The following GBP7 variants were observed in gnomAD, a reference collection of about 807,000 sequenced individuals.
GBP7 encodes guanylate binding protein 7.
In GBP7, 43 loss-of-function variants were observed where a neutral mutation model predicts 61.3. The observed-to-expected ratio is 0.70, with a 90% confidence interval of 0.55 to 0.91. The LOEUF (loss-of-function observed/expected upper bound fraction) is 0.91. GBP7 is among the 40% of genes least tolerant of loss of function. The pLI is 0.00. For missense variants in GBP7, 717 were observed against 740.5 expected (o/e 0.97, Z 0.37); for synonymous variants, 267 against 271.0 (o/e 0.99, Z 0.14).
chr1:89,139,343 T>C (rs1681881540), intron 9 of GBP7, among the ~76,000 whole-genome samples: 6 of 152,168 alleles, frequency 3.9e-5, no homozygotes. Context: ...ATAAAAACCC[T>C]AGAAGAAAAC....
At chr1:89,156,604 C>T (rs980828127) in intron 3 of GBP7, among the ~76,000 whole-genome samples, 1 of 152,112 alleles carries the variant, frequency 6.6e-6, no homozygotes, top group Non-Finnish European at 1.5e-5. Flanking sequence ...CTGAAAGAGA[C>T]AAAGAAGGCC....
intron 3 of GBP7, among the ~76,000 whole-genome samples, chr1:89,159,451 C>CGT (rs1682385895): frequency 6.6e-6 from 1 of 152,114 alleles, no homozygotes; most frequent in Admixed American, 6.5e-5. Context: ...AAAATGTTTA[C>CGT]AATTTACCCA....
chr1:89,173,833 C>T (rs539105697), intron 1 of GBP7, among the ~76,000 whole-genome samples: 32 of 152,276 alleles, frequency 2.1e-4, no homozygotes, highest in African/African-American at 7.5e-4. Context: ...AAGTTACAGT[C>T]AGAGAAGTGT....
At chr1:89,141,926 C>G (rs1394371945) in intron 8 of GBP7, among the ~76,000 whole-genome samples, 1 of 152,166 alleles carries the variant, frequency 6.6e-6, no homozygotes, top group Non-Finnish European at 1.5e-5. Flanking sequence ...AACCAGATTT[C>G]TATGCAGTTC....
At chr1:89,138,698 T>C (rs1428636334) in intron 9 of GBP7, among the ~76,000 whole-genome samples, 4 of 152,166 alleles carry the variant, frequency 2.6e-5, no homozygotes, top group Non-Finnish European at 5.9e-5. Context: ...GTTAAAGATG[T>C]AAATGTAAAA....
rs1021540202 is a variant in GBP7 at position 89,156,921 on chromosome 1, G to C, written c.319-4144C>G. Reference sequence around the variant, plus strand: ...TATACATTCTTCTCAGCACCACATCGCACTTATTCCAAAATGGACCACATA... The same window carrying C: ...TATACATTCTTCTCAGCACCACATCCCACTTATTCCAAAATGGACCACATA... On this transcript the variant is annotated intron_variant, in intron 3 of 10. Coordinates refer to ENST00000294671, the MANE Select transcript of GBP7 (RefSeq NM_207398.3). 2.0e-5 allele frequency among the ~76,000 whole-genome samples: 3 copies of C among 152,128 alleles called. No individual in the cohort carries two copies. In the East Asian group the frequency reaches 5.8e-4, roughly 29 times the overall value.
At chr1:89,140,810 A>G (rs867690742) in intron 9 of GBP7, among the ~76,000 whole-genome samples, 1 of 152,236 alleles carries the variant, frequency 6.6e-6, no homozygotes, top group Non-Finnish European at 1.5e-5. Flanking sequence ...AATGTTCATC[A>G]GTGGTGGACT....
intron 3 of GBP7, 110 bp downstream of exon 3, chr1:89,164,620 TA>T: frequency 9.3e-7 from 1 of 1,078,844 alleles, no homozygotes; most frequent in Non-Finnish European, 1.4e-6. Context: ...TTGTTTCCCA[TA>T]ATCAGATTTG....
At chr1:89,159,165 A>G (rs1682379088) in intron 3 of GBP7, among the ~76,000 whole-genome samples, 1 of 152,224 alleles carries the variant, frequency 6.6e-6, no homozygotes, top group Non-Finnish European at 1.5e-5. Flanking sequence ...CCCTATGTAG[A>G]AAGCTGAAAC....
In GBP7 at chr1:89,149,279, T is replaced by C. The variant is rs752484582; in HGVS notation, c.1152+13A>G. On this transcript the variant is annotated intron_variant, in intron 7 of 10. Transcript: ENST00000294671. Reference sequence around the variant, plus strand: ...AGGCAGGAATCAAGAAAAAAAAAAATAACAAAGATTACCACAAGCTTCTTC... The same window carrying C: ...AGGCAGGAATCAAGAAAAAAAAAAACAACAAAGATTACCACAAGCTTCTTC... 13 of 1,562,098 alleles carry C rather than the reference T, an allele frequency of 8.3e-6. No homozygotes were observed. In the South Asian group the frequency reaches 1.3e-4, roughly 16 times the overall value.
At chr1:89,167,312 T>C (rs1228478854) in intron 2 of GBP7, among the ~76,000 whole-genome samples, 1 of 152,208 alleles carries the variant, frequency 6.6e-6, no homozygotes, top group African/African-American at 2.4e-5. Flanking sequence ...CTTATTTGGA[T>C]AAGGTCACCT....
intron 3 of GBP7, among the ~76,000 whole-genome samples, chr1:89,154,252 A>G (rs904322565): frequency 1.3e-5 from 2 of 152,220 alleles, no homozygotes; most frequent in Non-Finnish European, 2.9e-5. Context: ...CACTGAAATG[A>G]TGATTGATAA....
At chr1:89,141,830 A>G (rs934325632) in intron 8 of GBP7, among the ~76,000 whole-genome samples, 182 bp from the exon 9 acceptor site, 18 of 152,214 alleles carry the variant, frequency 1.2e-4, no homozygotes, top group African/African-American at 4.3e-4. Context: ...TTGTTGAGAC[A>G]TGAAAACCCT....
chr1:89,168,178 A>G (rs1000015130), intron 2 of GBP7, among the ~76,000 whole-genome samples: 4 of 152,078 alleles, frequency 2.6e-5, no homozygotes, highest in Non-Finnish European at 4.4e-5. Context: ...TAACTTCTCT[A>G]TTTTTGCTCT....
intron 2 of GBP7, among the ~76,000 whole-genome samples, chr1:89,170,527 A>T (rs1647569800): frequency 1.3e-5 from 2 of 152,172 alleles, no homozygotes; most frequent in South Asian, 4.1e-4. Context: ...GTCACCAATC[A>T]CTTTCCCCTG....
At chr1:89,165,904 C>T (rs997004037) in intron 2 of GBP7, among the ~76,000 whole-genome samples, 1 of 151,942 alleles carries the variant, frequency 6.6e-6, no homozygotes, top group African/African-American at 2.4e-5. Context: ...TATCCCTGAA[C>T]TTAAAGTACA....
intron 3 of GBP7, among the ~76,000 whole-genome samples, chr1:89,163,396 CTT>C (rs79742670): frequency 4.4e-5 from 6 of 137,134 alleles, no homozygotes; most frequent in Non-Finnish European, 6.4e-5. Flanking sequence ...TGTTTCTGGG[CTT>C]TTTTTTTTTT....
At chr1:89,170,481 C>A (rs989147464) in intron 2 of GBP7, among the ~76,000 whole-genome samples, 5 of 152,198 alleles carry the variant, frequency 3.3e-5, no homozygotes, top group Non-Finnish European at 5.9e-5. Context: ...CCTTGTTGCT[C>A]AAATGTGGCT....
intron 3 of GBP7, among the ~76,000 whole-genome samples, chr1:89,158,921 AG>A (rs1682373139): frequency 6.6e-6 from 1 of 152,214 alleles, no homozygotes; most frequent in Admixed American, 6.5e-5. Flanking sequence ...CTAAGCCAAA[AG>A]AACAAAGCTG....
Sources: allele counts gnomAD v4.1 joint callset (sites outside exome capture counted in the v4.1 genomes callset), GRCh38; gene constraint gnomAD v4.1.1; transcripts MANE v1.5; gene names NCBI Gene and HGNC (gene_info 2026-07-23, HGNC 2026-07-21).